The following DNM2 variants were observed in gnomAD, a reference collection of about 807,000 sequenced individuals.
DNM2 encodes dynamin-2.
A neutral mutation model predicts 99.0 loss-of-function variants in DNM2; 15 were observed. The observed-to-expected ratio is 0.15, with a 90% CI of 0.10 to 0.23. The LOEUF (loss-of-function observed/expected upper bound fraction) is 0.23. Ranked by LOEUF, DNM2 falls within the 10% of genes least tolerant of loss-of-function variation. DNM2 has a pLI of 1.00. For missense variants in DNM2, 742 were observed against 1,189.4 expected (o/e 0.62, Z 5.53); for synonymous variants, 525 against 481.2 (o/e 1.09, Z -1.19).
In DNM2 at chr19:10,820,803, T is replaced by A. The variant is rs945135037; in HGVS notation, c.1781+714T>A. ...GCAGTCACCATTGCGTGGATGGTAT[T>A]TCAAGGAACGAAACCAGATGAGCTC... On this transcript the variant is annotated intron_variant, in intron 16 of 20. Coordinates refer to ENST00000389253, the MANE Select transcript of DNM2 (RefSeq NM_001005361.3). This position sits in a 1 kb window ranked among gnomAD's most constrained non-coding sequence, Gnocchi z 4.3. Among the ~76,000 whole-genome samples the A allele has an allele frequency of 6.6e-6, 1 of 152,164 alleles. No homozygotes were observed. Among genetic ancestry groups the A allele is most frequent in the Non-Finnish European group, 1.5e-5 (1 of 68,018 alleles).
At chr19:10,777,331 T>A in intron 5 of DNM2, 115 bp downstream of exon 5, 1 of 958,978 alleles carries the variant, frequency 1.0e-6, no homozygotes, top group Non-Finnish European at 1.6e-6. Flanking sequence ...CATTTCACCG[T>A]AACTCCTTCT....
chr19:10,781,626 C>T (rs1183184786), intron 5 of DNM2: 1 of 152,140 alleles, frequency 6.6e-6, no homozygotes, highest in Non-Finnish European at 1.5e-5. Flanking sequence ...ACTAAAAAAA[C>T]AAAAATTAGC....
At chr19:10,805,564 G>T (rs755544693) in intron 12 of DNM2, among the ~76,000 whole-genome samples, 7 of 152,176 alleles carry the variant, frequency 4.6e-5, no homozygotes, top group Non-Finnish European at 8.8e-5. Flanking sequence ...GAGCCCGGGA[G>T]GGTCAAGGCT....
chr19:10,742,905 TTTTC>T (rs1280417637), intron 1 of DNM2, among the ~76,000 whole-genome samples: 4 of 150,676 alleles, frequency 2.7e-5, no homozygotes, highest in African/African-American at 7.3e-5. Context: ...GCTAGCTTGT[TTTTC>T]TTTCTTTTTT....
intron 7 of DNM2, among the ~76,000 whole-genome samples, chr19:10,789,179 C>T (rs1281775638): frequency 6.6e-6 from 1 of 151,922 alleles, no homozygotes; most frequent in African/African-American, 2.4e-5. Flanking sequence ...GCCTGGGTGA[C>T]AGAGCAAGAC....
chr19:10,807,539 C>CTTTTT (rs763788862), intron 13 of DNM2, among the ~76,000 whole-genome samples: 4 of 91,212 alleles, frequency 4.4e-5, no homozygotes, highest in Non-Finnish European at 8.1e-5. Flanking sequence ...CACGTCCAGC[C>CTTTTT]TTTTTTTTTT....
chr19:10,761,277 G>C (rs567910574), intron 2 of DNM2, among the ~76,000 whole-genome samples: 2 of 152,070 alleles, frequency 1.3e-5, no homozygotes, highest in Non-Finnish European at 2.9e-5. Context: ...GTGAGCCACC[G>C]CGCCCGGCCA....
Position 10,830,367 on chromosome 19 carries a change from A to G in DNM2, c.2532A>G (p.Pro844=). 1 of 1,610,560 alleles carries G rather than the reference A, an allele frequency of 6.2e-7. No individual in the cohort carries two copies. The highest frequency in any genetic ancestry group is 8.5e-7 in the Non-Finnish European group (1 of 1,179,542). Residue 844 remains proline, a synonymous_variant, in exon 20 of 21, where the codon CCA becomes CCG. Transcript: ENST00000389253. This position sits in a 1 kb window ranked among gnomAD's most constrained non-coding sequence, Gnocchi z 4.8. ...TTCGGATCCCCCCAGGGATTCCCCC[A>G]GGAGTGCCCAGGTAAGGCCAACCCC... ...RPVRIPPGIP[P]GVPSRRPPAA...
intron 2 of DNM2, chr19:10,768,783 C>T (rs1227889154): frequency 6.6e-6 from 1 of 152,260 alleles, no homozygotes; most frequent in Non-Finnish European, 1.5e-5. Context: ...TCTCACCTAA[C>T]ATGCGTGAGT....
At chr19:10,719,197 C>G (rs1202246985) in intron 1 of DNM2, among the ~76,000 whole-genome samples, 1 of 152,112 alleles carries the variant, frequency 6.6e-6, no homozygotes, top group Non-Finnish European at 1.5e-5. Flanking sequence ...ATGACTACCC[C>G]TGAGTGTCTG....
intron 3 of DNM2, among the ~76,000 whole-genome samples, chr19:10,773,506 TG>T (rs2071049704): frequency 6.7e-6 from 1 of 149,374 alleles, no homozygotes; most frequent in South Asian, 2.1e-4. Flanking sequence ...TGGAGTGTAG[TG>T]GCGCAATCTC....
intron 2 of DNM2, chr19:10,763,141 T>A (rs2145871044): frequency 6.5e-6 from 1 of 153,018 alleles, no homozygotes; most frequent in East Asian, 1.9e-4. Flanking sequence ...AGTGGCACGA[T>A]CTCGGCTCAC....
At chr19:10,739,649 T>A (rs947293446) in intron 1 of DNM2, among the ~76,000 whole-genome samples, 10 of 152,012 alleles carry the variant, frequency 6.6e-5, no homozygotes, top group African/African-American at 2.4e-4. Flanking sequence ...AGGGCAGGAA[T>A]TGATGAGACC....
chr19:10,726,535 T>C (rs115083851), intron 1 of DNM2, among the ~76,000 whole-genome samples: 1 of 152,202 alleles, frequency 6.6e-6, no homozygotes, highest in African/African-American at 2.4e-5. Context: ...CCTGGTTCCT[T>C]TCTAAGTGGG....
chr19:10,808,736 G>C (rs1045202185), intron 14 of DNM2, 156 bp downstream of exon 14: 10 of 865,400 alleles, frequency 1.2e-5, no homozygotes, highest in Non-Finnish European at 1.8e-5. Flanking sequence ...GCCGGCGCTG[G>C]ACTGCACGTT....
intron 11 of DNM2, among the ~76,000 whole-genome samples, chr19:10,800,801 C>CA (rs1335784841): frequency 6.6e-6 from 1 of 152,214 alleles, no homozygotes; most frequent in Non-Finnish European, 1.5e-5. Flanking sequence ...TCATCCTGGG[C>CA]AAAAGACAAG....
chr19:10,792,451 A>G (rs1224379279), intron 7 of DNM2, among the ~76,000 whole-genome samples: 2 of 152,186 alleles, frequency 1.3e-5, no homozygotes, highest in Non-Finnish European at 2.9e-5. Flanking sequence ...TAAAACGTGA[A>G]CAAGATCATC....
chr19:10,792,508 CTT>C (rs1366688753), intron 7 of DNM2, among the ~76,000 whole-genome samples: 1 of 152,238 alleles, frequency 6.6e-6, no homozygotes, highest in African/African-American at 2.4e-5. Context: ...CTGAGAGACT[CTT>C]TTTAAGGGCC....
At chr19:10,767,766 C>T (rs1172805385) in intron 2 of DNM2, among the ~76,000 whole-genome samples, 1 of 152,144 alleles carries the variant, frequency 6.6e-6, no homozygotes, top group Non-Finnish European at 1.5e-5. Flanking sequence ...ATTAGCCAGG[C>T]GTGGTGGCAT....
Sources: allele counts gnomAD v4.1 joint callset (sites outside exome capture counted in the v4.1 genomes callset), GRCh38; gene constraint gnomAD v4.1.1; non-coding constraint Gnocchi (gnomAD v3.1); transcripts MANE v1.5; gene names NCBI Gene and HGNC (gene_info 2026-07-23, HGNC 2026-07-21).